Variants in ZBTB41 observed in about 807,000 individuals in gnomAD.
ZBTB41 encodes zinc finger and BTB domain containing 41, also known as zinc finger and BTB domain-containing protein 41.
ZBTB41 carries 42 observed loss-of-function variants against 87.6 expected under a neutral mutation model. The ratio of observed to expected loss-of-function variants is 0.48; its 90% CI spans 0.37 to 0.62. The LOEUF is 0.62. Ranked by LOEUF, ZBTB41 falls within the 20% of genes least tolerant of loss-of-function variation. The pLI is 0.00. For synonymous variants in ZBTB41, 364 were observed against 364.0 expected (o/e 1.00, Z 0.00); for missense variants, 799 against 1,078.9 (o/e 0.74, Z 3.63).
rs757883122 is a variant in ZBTB41, at chr1:197,191,671, T to C, written c.1328+21A>G. 1.3e-4 allele frequency: 203 copies of C among 1,591,662 alleles called. 1 individual carries two copies. The Middle Eastern group carries it at 1.4e-3, about 11-fold the overall frequency. On this transcript the variant is annotated intron_variant, in intron 3 of 10. Transcript: ENST00000367405. The stretch of plus-strand genomic sequence containing the variant: ...TTAAAAGGCACAATAAAGTATATTA[T>C]GGAAGCAAGATAATACTTGCCTCTT...
Position 197,159,835 on chromosome 1 carries a change from G to A in ZBTB41, c.2254C>T (p.Pro752Ser), listed in dbSNP as rs771509356. The A allele has an allele frequency of 1.2e-6, 2 of 1,613,850 alleles. No individual in the cohort carries two copies. The highest frequency in any genetic ancestry group is 1.7e-6 in the Non-Finnish European group (2 of 1,179,906). ...HIDHVHEIKS[P>S]DDPLSTSEEK... ...TCAGAAGTACTGAGAGGATCATCAG[G>A]AGATTTTATTTCATGAACATGGTCA... The change falls in exon 11 of 11, where the codon CCT (proline) becomes TCT (serine). Residue 752 changes from proline to serine, a missense_variant. By Grantham distance (74) the Pro-to-Ser change is moderately conservative. This residue lies in a region of ZBTB41 where 171 missense variants were observed against 191.9 expected (regional missense o/e 0.89). Transcript: ENST00000367405.
intron 8 of ZBTB41, chr1:197,176,132 A>G (rs1023787057): frequency 6.3e-6 from 1 of 159,704 alleles, no homozygotes; most frequent in African/African-American, 2.4e-5. Context: ...AAAATTCACT[A>G]TAATATACAC....
chr1:197,166,832 G>A (rs1167808150), intron 10 of ZBTB41, among the ~76,000 whole-genome samples: 1 of 152,156 alleles, frequency 6.6e-6, no homozygotes, highest in Non-Finnish European at 1.5e-5. Flanking sequence ...GGGCGACAGA[G>A]TGAGACTCGG....
Position 197,159,313 on chromosome 1 carries a change from C to T in ZBTB41, c.*46G>A. 6.4e-7 allele frequency: 1 copy of T among 1,573,354 alleles called. No homozygotes were observed. Among genetic ancestry groups the T allele is most frequent in the Non-Finnish European group, 8.7e-7 (1 of 1,148,342 alleles). The stretch of plus-strand genomic sequence containing the variant: ...CAAATTTAAAAGCTATCATCTCTAC[C>T]ATTAGCATATAACCATCCAAAAATC... On this transcript the variant is annotated 3_prime_UTR_variant, in exon 11 of 11. Transcript: ENST00000367405.
intron 5 of ZBTB41, among the ~76,000 whole-genome samples, chr1:197,187,833 A>C (rs1659922756): frequency 2.0e-5 from 3 of 152,342 alleles, no homozygotes; most frequent in South Asian, 2.1e-4. Flanking sequence ...ATGAACCAAC[A>C]AACAAAATAC....
In ZBTB41 at chr1:197,172,111, A is replaced by C. The variant is rs201986007; in HGVS notation, c.2074+49T>G. On this transcript the variant is annotated intron_variant, in intron 10 of 10. Coordinates refer to ENST00000367405, the MANE Select transcript of ZBTB41 (RefSeq NM_194314.3). The stretch of plus-strand genomic sequence containing the variant: ...TATTTTACTTCTGATTACACTATAT[A>C]TATCTCTCTCTATATATATATATCT... The C allele has an allele frequency of 4.0e-3, 2,716 of 680,838 alleles. 45 individuals carry two copies. The highest frequency in any genetic ancestry group is 0.033 in the East Asian group (917 of 27,498). 42.2% of individuals were successfully genotyped at this position (680,838 alleles called of 1,614,324 possible). A position where few individuals can be genotyped will look rare whatever the true frequency, so the allele number is the denominator to read the frequency against.
At position 197,188,925 on chromosome 1, in the gene ZBTB41, A is replaced by G. The variant is rs149648061; in HGVS notation, c.1399-486T>C. Among the ~76,000 whole-genome samples, 969 of 152,322 alleles carry G rather than the reference A, an allele frequency of 6.4e-3. 11 individuals are homozygous for G. Among genetic ancestry groups the G allele is most frequent in the African/African-American group, 0.022 (931 of 41,564 alleles). ...GGCTGCTATAGTAACAGCACCAACA[A>G]TAATGACATAGCACATATTATATAT... is the stretch of plus-strand genomic sequence containing the variant. On this transcript the variant is annotated intron_variant, in intron 4 of 10. Transcript: ENST00000367405.
chr1:197,191,456 CAAAAAAA>C (rs537220441), intron 3 of ZBTB41, among the ~76,000 whole-genome samples: 63 of 85,306 alleles, frequency 7.4e-4, no homozygotes, highest in African/African-American at 2.7e-3. Context: ...AGCCCTACTT[CAAAAAAA>C]AAAAAAAAAA....
chr1:197,169,953 A>T (rs1659438502), intron 10 of ZBTB41, among the ~76,000 whole-genome samples: 1 of 151,746 alleles, frequency 6.6e-6, no homozygotes, highest in Admixed American at 6.6e-5. Flanking sequence ...TGTGTGGTTT[A>T]AAAAAAATAA....
intron 10 of ZBTB41, among the ~76,000 whole-genome samples, chr1:197,165,655 G>GT (rs1659324919): frequency 6.6e-6 from 1 of 151,540 alleles, no homozygotes; most frequent in Admixed American, 6.6e-5. Flanking sequence ...GGTATGGAAG[G>GT]TAACTAAAGC....
intron 10 of ZBTB41, among the ~76,000 whole-genome samples, chr1:197,171,856 T>A (rs993418982): frequency 6.6e-6 from 1 of 151,722 alleles, no homozygotes; most frequent in Non-Finnish European, 1.5e-5. Context: ...TAAAGAAGAA[T>A]CATAAAACAA....
At chr1:197,192,088 C>T (rs1200417049) in intron 2 of ZBTB41, among the ~76,000 whole-genome samples, 189 bp from the exon 3 acceptor site, 1 of 151,814 alleles carries the variant, frequency 6.6e-6, no homozygotes, top group African/African-American at 2.4e-5. Flanking sequence ...TTTGTGCTTC[C>T]TGTTCAAAGT....
At chr1:197,161,846 T>A (rs1372682880) in intron 10 of ZBTB41, among the ~76,000 whole-genome samples, 2 of 151,960 alleles carry the variant, frequency 1.3e-5, no homozygotes, top group Non-Finnish European at 2.9e-5. Context: ...CATTCTATAA[T>A]TTTTTTAAAA....
Position 197,156,033 on chromosome 1 carries a change from A to C in ZBTB41, c.*3326T>G, listed in dbSNP as rs1407896304. 1 of 152,354 alleles carries C rather than the reference A, an allele frequency of 6.6e-6. No individual in the cohort carries two copies. The highest frequency in any genetic ancestry group is 1.5e-5 in the Non-Finnish European group (1 of 67,822). 9.4% of individuals were successfully genotyped at this position (152,354 alleles called of 1,614,324 possible). A position where few individuals can be genotyped will look rare whatever the true frequency, so the allele number is the denominator to read the frequency against. On this transcript the variant is annotated 3_prime_UTR_variant, in exon 11 of 11. Coordinates refer to ENST00000367405, the MANE Select transcript of ZBTB41 (RefSeq NM_194314.3). ...TGTAGTGTAAAAAATAGGCTTATTT[A>C]GCATTTAGTAGTGTTCTCTAAAAAA...
chr1:197,181,636 G>A (rs1214064654), intron 5 of ZBTB41, among the ~76,000 whole-genome samples: 2 of 151,920 alleles, frequency 1.3e-5, no homozygotes, highest in Admixed American at 1.3e-4. Context: ...ATATAAGAAA[G>A]ACAAAGAATG....
intron 10 of ZBTB41, among the ~76,000 whole-genome samples, chr1:197,170,626 G>C (rs1273094981): frequency 2.0e-5 from 3 of 152,064 alleles, no homozygotes; most frequent in Non-Finnish European, 2.9e-5. Context: ...TTGGGAACAT[G>C]GTGACCATTT....
chr1:197,196,445 C>T (rs1014712013), intron 2 of ZBTB41, among the ~76,000 whole-genome samples: 3 of 152,190 alleles, frequency 2.0e-5, no homozygotes, highest in Admixed American at 2.0e-4. Context: ...CAACGCCACT[C>T]ATCTTCCAAG....
chr1:197,174,560 CAGTT>C (rs1335923270), intron 9 of ZBTB41, among the ~76,000 whole-genome samples: 1 of 152,068 alleles, frequency 6.6e-6, no homozygotes, highest in Non-Finnish European at 1.5e-5. Context: ...CAACTAACCT[CAGTT>C]AAACTTGGAT....
chr1:197,174,746 A>G (rs969460083), intron 9 of ZBTB41, among the ~76,000 whole-genome samples: 1 of 152,094 alleles, frequency 6.6e-6, no homozygotes, highest in African/African-American at 2.4e-5. Context: ...TTTAGCTCTC[A>G]AAGAGCCTCA....
Sources: allele counts gnomAD v4.1 joint callset (sites outside exome capture counted in the v4.1 genomes callset), GRCh38; gene constraint gnomAD v4.1.1; regional missense constraint gnomAD v4.1.1; transcripts MANE v1.5; gene names NCBI Gene and HGNC (gene_info 2026-07-23, HGNC 2026-07-21).